Variants in PRKN observed in about 807,000 individuals in gnomAD.
PRKN encodes parkin RBR E3 ubiquitin protein ligase, also known as E3 ubiquitin-protein ligase parkin.
In PRKN, 56 loss-of-function variants were observed where a neutral mutation model predicts 59.5. The observed-to-expected ratio is 0.94, with a 90% CI of 0.76 to 1.18. The LOEUF is 1.18. Ranked by LOEUF, PRKN falls within the 50% of genes most tolerant of loss-of-function variation. PRKN has a pLI of 0.00. For synonymous variants in PRKN, 250 were observed against 222.1 expected (o/e 1.13, Z -1.12); for missense variants, 657 against 596.4 (o/e 1.10, Z -1.06).
chr6:161,480,131 G>T lies in PRKN; in HGVS notation c.1083+68723C>A, dbSNP rs1053837375. Among the ~76,000 whole-genome samples, 1 of 152,214 alleles carries T rather than the reference G, an allele frequency of 6.6e-6. No homozygotes were observed. Among genetic ancestry groups the T allele is most frequent in the Non-Finnish European group, 1.5e-5 (1 of 68,044 alleles). The stretch of plus-strand genomic sequence containing the variant: ...TGAGCGAGAAATGAACTTTTGTTGG[G>T]TGAAGCCACTGAGATTTTGGAGTAT... On this transcript the variant is annotated intron_variant, in intron 9 of 11. Coordinates refer to ENST00000366898, the MANE Select transcript of PRKN (RefSeq NM_004562.3). This position sits in a 1 kb window ranked among gnomAD's most constrained non-coding sequence, Gnocchi z 4.1.
At chr6:162,291,031 G>C (rs1157504819) in intron 2 of PRKN, among the ~76,000 whole-genome samples, 1 of 152,170 alleles carries the variant, frequency 6.6e-6, no homozygotes, top group Non-Finnish European at 1.5e-5. Context: ...TAAGAAAGGA[G>C]CGATGTCATG....
chr6:161,489,729 T>C (rs1042007610), intron 9 of PRKN, among the ~76,000 whole-genome samples: 7 of 152,184 alleles, frequency 4.6e-5, no homozygotes, highest in Admixed American at 1.3e-4. Context: ...ACAACACTTA[T>C]GGTATATTTC....
intron 9 of PRKN, among the ~76,000 whole-genome samples, chr6:161,398,027 G>T (rs1562420202): frequency 6.6e-6 from 1 of 152,154 alleles, no homozygotes. Context: ...GGGGCAGGAT[G>T]GGAGTGAAGT....
chr6:162,082,511 C>A (rs934836880), intron 4 of PRKN, among the ~76,000 whole-genome samples: 1 of 152,152 alleles, frequency 6.6e-6, no homozygotes, highest in Admixed American at 6.5e-5. Context: ...AGCTGTTTTT[C>A]TTTCTAATCA....
intron 1 of PRKN, among the ~76,000 whole-genome samples, chr6:162,664,664 A>G (rs370072261): frequency 6.6e-6 from 1 of 151,790 alleles, no homozygotes; most frequent in Non-Finnish European, 1.5e-5. Flanking sequence ...GATTTTTTTC[A>G]TATGTTTGTT....
At position 161,451,046 on chromosome 6, in the gene PRKN, A is replaced by C. The variant is rs923708653; in HGVS notation, c.1084-64169T>G. On this transcript the variant is annotated intron_variant, in intron 9 of 11. Coordinates refer to ENST00000366898, the MANE Select transcript of PRKN (RefSeq NM_004562.3). This position sits in a 1 kb window ranked among gnomAD's most constrained non-coding sequence, Gnocchi z 5.9. Reference sequence around the variant, plus strand: ...CCTGCATTCTTGTTTTTAAAGAGGCAGGTAAGCAGGTAATAGAGAAGCCTT... The same window carrying C: ...CCTGCATTCTTGTTTTTAAAGAGGCCGGTAAGCAGGTAATAGAGAAGCCTT... Among the ~76,000 whole-genome samples the C allele has an allele frequency of 5.9e-5, 9 of 152,180 alleles. No individual in the cohort carries two copies. The highest frequency in any genetic ancestry group is 8.8e-5 in the Non-Finnish European group (6 of 68,036).
intron 2 of PRKN, among the ~76,000 whole-genome samples, chr6:162,339,404 C>T (rs1286786153): frequency 3.4e-5 from 5 of 147,838 alleles, no homozygotes; most frequent in Middle Eastern, 3.4e-3. Flanking sequence ...GTCAGCCCCC[C>T]GCCCGGCCAG....
intron 4 of PRKN, among the ~76,000 whole-genome samples, chr6:162,063,190 A>G (rs999982606): frequency 6.6e-6 from 1 of 152,214 alleles, no homozygotes; most frequent in Non-Finnish European, 1.5e-5. Context: ...AGACTTGGGA[A>G]AATATTAGTA....
intron 9 of PRKN, among the ~76,000 whole-genome samples, chr6:161,426,020 G>A (rs1375711235): frequency 6.6e-6 from 1 of 152,118 alleles, no homozygotes; most frequent in African/African-American, 2.4e-5. Context: ...TGGATGTTCA[G>A]GGGAATTAAC....
chr6:161,600,021 C>T (rs1782051815), intron 7 of PRKN, among the ~76,000 whole-genome samples: 1 of 152,132 alleles, frequency 6.6e-6, no homozygotes, highest in Non-Finnish European at 1.5e-5. Flanking sequence ...TCAACCACTT[C>T]TTTAAAATCT....
chr6:162,474,271 T>C (rs141276280), intron 1 of PRKN, among the ~76,000 whole-genome samples: 205 of 152,330 alleles, frequency 1.3e-3, no homozygotes, highest in African/African-American at 4.7e-3. Flanking sequence ...ATAATACAAC[T>C]GGGACATTGC....
intron 7 of PRKN, among the ~76,000 whole-genome samples, chr6:161,633,715 T>A (rs1026086665): frequency 6.6e-6 from 1 of 152,060 alleles, no homozygotes; most frequent in Non-Finnish European, 1.5e-5. Flanking sequence ...CACTTCAGAG[T>A]TGTTTTTGGT....
At chr6:161,416,204 A>T (rs142136263) in intron 9 of PRKN, among the ~76,000 whole-genome samples, 25 of 152,258 alleles carry the variant, frequency 1.6e-4, no homozygotes, top group African/African-American at 6.0e-4. Flanking sequence ...GTCTGTGGCC[A>T]CTTTCACAGA....
rs115645953 is a variant in PRKN at position 161,757,161 on chromosome 6, C to T, written c.871+28611G>A. ...AAAACATAGGGGAAAACCTTCATGA[C>T]ATTTTGTTAGGCAAAGATTTCTTAG... On this transcript the variant is annotated intron_variant, in intron 7 of 11. Coordinates refer to ENST00000366898, the MANE Select transcript of PRKN (RefSeq NM_004562.3). Among the ~76,000 whole-genome samples, 519 of 152,282 alleles carry T rather than the reference C, an allele frequency of 3.4e-3. 6 individuals are homozygous for T. The highest frequency in any genetic ancestry group is 0.012 in the African/African-American group (492 of 41,566).
rs1332033160 is a variant in PRKN, at chr6:161,468,156, A to G, written c.1083+80698T>C. Among the ~76,000 whole-genome samples the G allele has an allele frequency of 6.6e-6, 1 of 152,052 alleles. No individual in the cohort carries two copies. The highest frequency in any genetic ancestry group is 1.5e-5 in the Non-Finnish European group (1 of 67,998). On this transcript the variant is annotated intron_variant, in intron 9 of 11. Coordinates refer to ENST00000366898, the MANE Select transcript of PRKN (RefSeq NM_004562.3). This position sits in a 1 kb window ranked among gnomAD's most constrained non-coding sequence, Gnocchi z 5.9. Reference sequence around the variant, plus strand: ...CCTAGCTAATTTTTGTATTTTTAGTAGAGACGGGGTTTCGCCATGTTGGCC... The same window carrying G: ...CCTAGCTAATTTTTGTATTTTTAGTGGAGACGGGGTTTCGCCATGTTGGCC...
At chr6:162,611,522 CAGAA>C (rs1782151595) in intron 1 of PRKN, among the ~76,000 whole-genome samples, 1 of 152,148 alleles carries the variant, frequency 6.6e-6, no homozygotes, top group Non-Finnish European at 1.5e-5. Flanking sequence ...GCATTACACT[CAGAA>C]GGAAGGAGCC....
intron 7 of PRKN, among the ~76,000 whole-genome samples, chr6:161,641,961 ACAT>A (rs1320303936): frequency 7.9e-5 from 12 of 152,354 alleles, no homozygotes; most frequent in Non-Finnish European, 1.0e-4. Context: ...TAAAGAGTTT[ACAT>A]ACTTCTTTTC....
At chr6:162,589,963 G>A (rs1329792259) in intron 1 of PRKN, among the ~76,000 whole-genome samples, 2 of 152,106 alleles carry the variant, frequency 1.3e-5, no homozygotes, top group Non-Finnish European at 2.9e-5. Flanking sequence ...CTCACTTAAG[G>A]GATTTCAATA....
chr6:162,123,963 G>A (rs1222031894), intron 4 of PRKN, among the ~76,000 whole-genome samples: 1 of 152,102 alleles, frequency 6.6e-6, no homozygotes, highest in Non-Finnish European at 1.5e-5. Context: ...GAAGGGAGAA[G>A]GGGCTTTTCT....
Sources: gnomAD v4.1 joint callset for allele counts (sites outside exome capture counted in the v4.1 genomes callset) on GRCh38, gnomAD v4.1.1 for gene constraint, Gnocchi (gnomAD v3.1) non-coding constraint, MANE v1.5 for transcripts, NCBI Gene and HGNC (gene_info 2026-07-23, HGNC 2026-07-21) for gene names.